Variants in EEIG2 observed in about 807,000 individuals in gnomAD.
The protein encoded by EEIG2 is EEIG family member 2, also known as family with sequence similarity 102 member B.
the EEIG2 span, among the ~76,000 whole-genome samples, chr1:108,568,457 G>A: frequency 2.0e-5 from 3 of 152,128 alleles, no homozygotes; most frequent in African/African-American, 7.2e-5. Flanking sequence ...TTAGTCTTGA[G>A]AGAAGATAAT....
the EEIG2 span, chr1:108,627,360 A>G: frequency 6.6e-6 from 1 of 152,218 alleles, no homozygotes; most frequent in African/African-American, 2.4e-5. Flanking sequence ...AATAGCTGCT[A>G]TAATAGCTAT....
the EEIG2 span, among the ~76,000 whole-genome samples, chr1:108,584,520 TTAAG>T: frequency 6.6e-6 from 1 of 152,252 alleles, no homozygotes; most frequent in South Asian, 2.1e-4. Flanking sequence ...TTTGTTTTAT[TTAAG>T]TGAGTCATCG....
At chr1:108,611,161 T>G in the EEIG2 span, among the ~76,000 whole-genome samples, 1 of 152,198 alleles carries the variant, frequency 6.6e-6, no homozygotes, top group East Asian at 1.9e-4. Flanking sequence ...TGAATGCCAT[T>G]TATATGTGCC....
chr1:108,582,055 G>A, the EEIG2 span, among the ~76,000 whole-genome samples: 1 of 152,030 alleles, frequency 6.6e-6, no homozygotes, highest in African/African-American at 2.4e-5. Flanking sequence ...TCAACATCAA[G>A]GTTTGCTACC....
the EEIG2 span, among the ~76,000 whole-genome samples, chr1:108,568,694 T>A: frequency 2.8e-4 from 43 of 152,346 alleles, no homozygotes; most frequent in Non-Finnish European, 5.3e-4. Flanking sequence ...GTGTGGTAGC[T>A]GTGCTCTGTC....
chr1:108,610,726 C>G, the EEIG2 span, among the ~76,000 whole-genome samples: 1 of 152,056 alleles, frequency 6.6e-6, no homozygotes, highest in Non-Finnish European at 1.5e-5. Context: ...GTCAGGAGAT[C>G]GAGACCATCC....
At chr1:108,595,011 C>T in the EEIG2 span, among the ~76,000 whole-genome samples, 5 of 152,142 alleles carry the variant, frequency 3.3e-5, no homozygotes, top group African/African-American at 1.2e-4. Flanking sequence ...AATTCACATA[C>T]AGAGTTCACT....
the EEIG2 span, among the ~76,000 whole-genome samples, chr1:108,581,311 T>G: frequency 6.6e-6 from 1 of 152,336 alleles, no homozygotes; most frequent in African/African-American, 2.4e-5. Flanking sequence ...AATATTGTTT[T>G]CATGCCTGCT....
chr1:108,563,677 C>T, the EEIG2 span, among the ~76,000 whole-genome samples: 1 of 151,992 alleles, frequency 6.6e-6, no homozygotes, highest in Non-Finnish European at 1.5e-5. Context: ...TATTCTTGGC[C>T]AAGTATTAGT....
chr1:108,626,158 G>A, the EEIG2 span: 1 of 152,074 alleles, frequency 6.6e-6, no homozygotes, highest in Non-Finnish European at 1.5e-5. Flanking sequence ...CAAAGGGTTT[G>A]GTCCCCTCAC....
the EEIG2 span, chr1:108,635,226 C>G: frequency 6.4e-7 from 1 of 1,566,250 alleles, no homozygotes; most frequent in Non-Finnish European, 8.8e-7. Flanking sequence ...TTTATTCAAG[C>G]ACTTAATAGA....
At chr1:108,576,249 G>A in the EEIG2 span, among the ~76,000 whole-genome samples, 39 of 152,048 alleles carry the variant, frequency 2.6e-4, no homozygotes, top group African/African-American at 8.5e-4. Context: ...ACCTGCCTAC[G>A]GTAATATCTT....
chr1:108,630,433 G>A, the EEIG2 span, among the ~76,000 whole-genome samples: 23 of 142,742 alleles, frequency 1.6e-4, no homozygotes, highest in African/African-American at 2.7e-4. Context: ...TGTGGAGTGC[G>A]GAAGCGGGGA....
At chr1:108,569,579 G>A in the EEIG2 span, among the ~76,000 whole-genome samples, 1 of 152,136 alleles carries the variant, frequency 6.6e-6, no homozygotes, top group Non-Finnish European at 1.5e-5. Flanking sequence ...TGCCTCAGCC[G>A]CCTAAACTGC....
the EEIG2 span, chr1:108,635,205 T>C: frequency 5.6e-6 from 9 of 1,597,060 alleles, no homozygotes; most frequent in East Asian, 6.7e-5. Context: ...GTAGTTGATG[T>C]ATCAAGGCAT....
At chr1:108,619,354 G>A in the EEIG2 span, among the ~76,000 whole-genome samples, 2 of 152,220 alleles carry the variant, frequency 1.3e-5, no homozygotes, top group Non-Finnish European at 2.9e-5. Flanking sequence ...CTTTGAAATT[G>A]TTCAAATGTC....
the EEIG2 span, chr1:108,624,559 C>G: frequency 8.6e-7 from 1 of 1,167,094 alleles, no homozygotes; most frequent in Admixed American, 1.9e-5. Context: ...GCAGTCTATG[C>G]TAAGGCTTAC....
chr1:108,629,443 T>G, the EEIG2 span: 1 of 547,322 alleles, frequency 1.8e-6, no homozygotes, highest in Non-Finnish European at 3.2e-6. Context: ...AAATTGCCTA[T>G]TTTAAAACAT....
the EEIG2 span, among the ~76,000 whole-genome samples, chr1:108,576,646 A>G: frequency 5.3e-3 from 775 of 146,278 alleles, 11 homozygotes; most frequent in African/African-American, 0.018. Context: ...TTATGGCTGC[A>G]TAGTATTCCA....
Sources: gnomAD v4.1 joint callset for allele counts (sites outside exome capture counted in the v4.1 genomes callset) on GRCh38, gnomAD v4.1.1 for gene constraint, MANE v1.5 for transcripts, NCBI Gene and HGNC (gene_info 2026-07-23, HGNC 2026-07-21) for gene names.